CACNB2: variants seen among roughly 807,000 people sequenced by gnomAD.
The protein encoded by CACNB2 is voltage-dependent L-type calcium channel subunit beta-2.
CACNB2 carries 42 observed loss-of-function variants against 73.3 expected under a neutral mutation model. The observed-to-expected ratio is 0.57, with a 90% confidence interval of 0.45 to 0.74. The LOEUF is 0.74. Among genes scored for constraint, CACNB2 ranks in the 30% least tolerant of loss-of-function variants. The probability of loss-of-function intolerance (pLI) is 0.00; values close to 1 mark genes in which losing one functional copy is unlikely to be tolerated. For missense variants in CACNB2, 940 were observed against 853.0 expected, an observed-to-expected ratio of 1.10 and a Z score of -1.27; for synonymous variants, 348 against 310.3, an observed-to-expected ratio of 1.12 and a Z score of -1.28.
chr10:18,243,554 G>A (rs1235500633), intron 2 of CACNB2, among the ~76,000 whole-genome samples: 3 of 152,168 alleles, frequency 2.0e-5, no homozygotes, highest in Admixed American at 6.5e-5. Flanking sequence ...GGGAGCTGGG[G>A]CCTAGTGGGT....
intron 2 of CACNB2, among the ~76,000 whole-genome samples, chr10:18,297,044 C>T (rs1054653256): frequency 3.3e-5 from 5 of 152,164 alleles, no homozygotes; most frequent in African/African-American, 1.2e-4. Context: ...TTGTTAAAAT[C>T]GTTTCCTCCT....
chr10:18,400,616 G>A (rs1301742509), intron 2 of CACNB2: 1 of 1,046,636 alleles, frequency 9.6e-7, no homozygotes, highest in South Asian at 3.3e-5. Flanking sequence ...ACTTGCAAAT[G>A]TCACTGCATA....
intron 2 of CACNB2, among the ~76,000 whole-genome samples, chr10:18,207,828 G>C (rs1460767756): frequency 6.6e-6 from 1 of 152,068 alleles, no homozygotes; most frequent in Non-Finnish European, 1.5e-5. Context: ...TATATATATA[G>C]TTTCTATTTG....
chr10:18,229,932 C>T (rs1183066042), intron 2 of CACNB2, among the ~76,000 whole-genome samples: 2 of 152,108 alleles, frequency 1.3e-5, no homozygotes, highest in Non-Finnish European at 2.9e-5. Flanking sequence ...TATCGAAACT[C>T]GACACCCACT....
intron 2 of CACNB2, among the ~76,000 whole-genome samples, chr10:18,270,311 G>A (rs1277740): frequency 0.2 from 30,762 of 152,116 alleles, 3,429 homozygotes; most frequent in South Asian, 0.29. Context: ...TCCCTCCCTC[G>A]ACAAGGGGGG....
At chr10:18,268,020 G>A (rs541819418) in intron 2 of CACNB2, among the ~76,000 whole-genome samples, 6 of 152,296 alleles carry the variant, frequency 3.9e-5, no homozygotes, top group East Asian at 3.9e-4. Flanking sequence ...CACTTGGCAC[G>A]GAGTAAGTAC....
At chr10:18,222,994 T>C (rs995455383) in intron 2 of CACNB2, among the ~76,000 whole-genome samples, 2 of 152,170 alleles carry the variant, frequency 1.3e-5, no homozygotes, top group Non-Finnish European at 2.9e-5. Flanking sequence ...ATTCCTTTGT[T>C]AACTTTGTTG....
chr10:18,224,667 C>T (rs1039715298), intron 2 of CACNB2, among the ~76,000 whole-genome samples: 1 of 152,132 alleles, frequency 6.6e-6, no homozygotes, highest in Non-Finnish European at 1.5e-5. Flanking sequence ...GGAGGTTATG[C>T]TTGGGAACAG....
At chr10:18,259,341 G>T (rs2037421597) in intron 2 of CACNB2, among the ~76,000 whole-genome samples, 1 of 151,900 alleles carries the variant, frequency 6.6e-6, no homozygotes, top group Non-Finnish European at 1.5e-5. Flanking sequence ...TGGGGCAGGA[G>T]AATGGCCTGG....
rs559452390 is a variant in CACNB2 at position 18,225,924 on chromosome 10, A to G, written c.213+74949A>G. On this transcript the variant is annotated intron_variant, in intron 2 of 13. Coordinates refer to ENST00000324631, the MANE Select transcript of CACNB2 (RefSeq NM_201596.3). The stretch of plus-strand genomic sequence containing the variant: ...CAAAGCACTGGGATTACAGGTGTGA[A>G]GCACTGGACCTGGCCTAATTTTCAA... Among the ~76,000 whole-genome samples, 15 of 151,830 alleles carry G rather than the reference A, an allele frequency of 9.9e-5. 1 individual carries two copies. The East Asian group carries it at 2.9e-3, about 30-fold the overall frequency.
chr10:18,163,378 G>A (rs987479898), intron 2 of CACNB2, among the ~76,000 whole-genome samples: 20 of 152,214 alleles, frequency 1.3e-4, no homozygotes, highest in African/African-American at 4.8e-4. Flanking sequence ...GTGTTTGTTG[G>A]GCAACAAGAG....
chr10:18,451,321 A>C (rs893907607), intron 3 of CACNB2, among the ~76,000 whole-genome samples: 4 of 152,242 alleles, frequency 2.6e-5, no homozygotes, highest in African/African-American at 7.2e-5. Context: ...GAAGAGATTT[A>C]GAAGCATAGT....
chr10:18,482,743 C>T (rs988117604), intron 3 of CACNB2, among the ~76,000 whole-genome samples: 11 of 152,204 alleles, frequency 7.2e-5, no homozygotes, highest in African/African-American at 2.2e-4. Context: ...AACTCCTTAC[C>T]TCAGGTGATC....
intron 2 of CACNB2, among the ~76,000 whole-genome samples, chr10:18,375,949 C>G (rs2042780890): frequency 6.6e-6 from 1 of 152,138 alleles, no homozygotes; most frequent in Non-Finnish European, 1.5e-5. Context: ...GCTCAAAAAA[C>G]TAAAAATAAA....
intron 2 of CACNB2, among the ~76,000 whole-genome samples, chr10:18,160,268 G>C (rs754033753): frequency 6.6e-6 from 1 of 152,010 alleles, no homozygotes; most frequent in South Asian, 2.1e-4. Context: ...GCTTGATTAA[G>C]TGCTCCAGTT....
Position 18,339,349 on chromosome 10 carries a change from C to A in CACNB2, c.214-62575C>A, listed in dbSNP as rs547650539. 4.6e-5 allele frequency among the ~76,000 whole-genome samples: 7 copies of A among 152,114 alleles called. No homozygotes were observed. The South Asian group carries it at 1.2e-3, about 27-fold the overall frequency. On this transcript the variant is annotated intron_variant, in intron 2 of 13. Transcript: ENST00000324631. ...TAGCCTGGCCAATATGCTGAAACCC[C>A]GTAACTACTAAAAATACAAAAATTA...
rs2030713536 is a variant in CACNB2 at position 18,144,082 on chromosome 10, CTGTTT to C, written c.120+3230_120+3234del. 2.0e-5 allele frequency among the ~76,000 whole-genome samples: 3 copies of C among 151,766 alleles called. No homozygotes were observed. The South Asian group carries it at 6.2e-4, about 32-fold the overall frequency. ...GTTTTGTTTTGTTTTTGTTTTTGTT[CTGTTT>C]TGTGTTTTGAAACGGAGTCTCACCC... On this transcript the variant is annotated intron_variant, in intron 1 of 13. Coordinates refer to ENST00000324631, the MANE Select transcript of CACNB2 (RefSeq NM_201596.3).
chr10:18,323,297 A>G (rs1359954777), intron 2 of CACNB2, among the ~76,000 whole-genome samples: 1 of 151,784 alleles, frequency 6.6e-6, no homozygotes, highest in Non-Finnish European at 1.5e-5. Flanking sequence ...ATATCTTTAC[A>G]CATCCCTAAG....
chr10:18,299,119 TAAAA>T (rs1190256707), intron 2 of CACNB2, among the ~76,000 whole-genome samples: 5 of 137,816 alleles, frequency 3.6e-5, no homozygotes, highest in African/African-American at 1.1e-4. Flanking sequence ...AAAAATAAAA[TAAAA>T]AAAGAAAAAA....
Sources: allele counts gnomAD v4.1 joint callset (sites outside exome capture counted in the v4.1 genomes callset), GRCh38; gene constraint gnomAD v4.1.1; transcripts MANE v1.5; gene names NCBI Gene and HGNC (gene_info 2026-07-23, HGNC 2026-07-21).